SLC4A11: variants seen among roughly 807,000 people sequenced by gnomAD.
SLC4A11 encodes solute carrier family 4 member 11, also known as bicarbonate transporter related protein 1.
A neutral mutation model predicts 95.0 loss-of-function variants in SLC4A11; 74 were observed. The observed-to-expected ratio is 0.78, with a 90% CI of 0.65 to 0.95. The LOEUF (loss-of-function observed/expected upper bound fraction) is 0.95. Ranked by LOEUF, SLC4A11 falls within the 40% of genes least tolerant of loss-of-function variation. The probability of loss-of-function intolerance (pLI) is 0.00; values close to 1 mark genes in which losing one functional copy is unlikely to be tolerated. For synonymous variants in SLC4A11, 548 were observed against 519.0 expected (o/e 1.06, Z -0.76); for missense variants, 1,081 against 1,192.4 (o/e 0.91, Z 1.38).
rs781070184 is a variant in SLC4A11, at chr20:3,234,065, C to T, written c.523+18G>A. 1.2e-6 allele frequency: 2 copies of T among 1,613,690 alleles called. No homozygotes were observed. The highest frequency in any genetic ancestry group is 1.7e-6 in the Non-Finnish European group (2 of 1,179,970). ...GCCCCTCCCAACGCCCCCGCCCGGG[C>T]CGGGAGACCGGCCTCACCTTTACCC... is the stretch of plus-strand genomic sequence containing the variant. On this transcript the variant is annotated intron_variant, in intron 5 of 19. Transcript: ENST00000642402. This position sits in a 1 kb window ranked among gnomAD's most constrained non-coding sequence, Gnocchi z 5.8.
rs2067908359 is a variant in SLC4A11 at position 3,234,645 on chromosome 20, G to C, written c.242-28C>G. The stretch of plus-strand genomic sequence containing the variant: ...GCCGGAGAAAAGCGGGGAGGGCTCA[G>C]GGTGCCACCCTCTCCTCAGGTCTTT... On this transcript the variant is annotated intron_variant, in intron 3 of 19. Coordinates refer to ENST00000642402, the MANE Select transcript of SLC4A11 (RefSeq NM_001174089.2). The surrounding 1 kb of genome is among the most constrained non-coding windows in gnomAD (Gnocchi z 5.8). The C allele has an allele frequency of 6.2e-7, 1 of 1,613,878 alleles. No individual in the cohort carries two copies. Among genetic ancestry groups the C allele is most frequent in the East Asian group, 2.2e-5 (1 of 44,876 alleles).
chr20:3,238,404 G>A, intron 1 of SLC4A11: 1 of 1,069,750 alleles, frequency 9.3e-7, no homozygotes, highest in Non-Finnish European at 1.1e-6. Context: ...CGCGGGGCGG[G>A]AGCCGGGGCT....
intron 2 of SLC4A11, 33 bp downstream of exon 2, chr20:3,237,511 T>A: frequency 6.2e-7 from 1 of 1,610,728 alleles, no homozygotes; most frequent in Non-Finnish European, 8.5e-7. Context: ...ACAAGCTCTC[T>A]CTGCACACAC....
chr20:3,228,695 C>T lies in SLC4A11; in HGVS notation c.2205G>A (p.Val735=). Residue 735 remains valine, a synonymous_variant, in exon 18 of 20, where the codon GTG becomes GTA. Coordinates refer to ENST00000642402, the MANE Select transcript of SLC4A11 (RefSeq NM_001174089.2). ...NGHIYDTIVN[V]KETRLTSLGA... ...CCAGCGAGGTCAGCCGCGTCTCCTT[C>T]ACGTTCACAATCCTGCGGTGGCCCG... 4 of 1,612,976 alleles carry T rather than the reference C, an allele frequency of 2.5e-6. No individual in the cohort carries two copies. The highest frequency in any genetic ancestry group is 3.4e-6 in the Non-Finnish European group (4 of 1,179,908).
chr20:3,233,640 G>C lies in SLC4A11; in HGVS notation c.606-3C>G. 1 of 1,611,986 alleles carries C rather than the reference G, an allele frequency of 6.2e-7. No homozygotes were observed. The highest frequency in any genetic ancestry group is 8.5e-7 in the Non-Finnish European group (1 of 1,180,000). ...TCTGTAGGGCCTTCATGGTACAGCT[G>C]GCAGGGGCGGGGAGGACACAGTGCA... On this transcript the variant is annotated splice_polypyrimidine_tract_variant and splice_region_variant and intron_variant, in intron 6 of 19. Transcript: ENST00000642402.
intron 6 of SLC4A11, 26 bp downstream of exon 6, chr20:3,233,895 G>A: frequency 6.2e-7 from 1 of 1,610,564 alleles, no homozygotes; most frequent in Non-Finnish European, 8.5e-7. Flanking sequence ...CGACAAGAAG[G>A]GGGGCCAAGT....
In SLC4A11 at chr20:3,234,976, GA is replaced by G. The variant is rs1321001383; in HGVS notation, c.89-83del. On this transcript the variant is annotated intron_variant, in intron 2 of 19. Coordinates refer to ENST00000642402, the MANE Select transcript of SLC4A11 (RefSeq NM_001174089.2). The surrounding 1 kb of genome is among the most constrained non-coding windows in gnomAD (Gnocchi z 5.8). ...AGGGGCTCCAAGCCCAGGGAGCAGG[GA>G]CCCCTGGACTGTCCCACTCTCGGGC... 1.8e-5 allele frequency: 28 copies of G among 1,564,882 alleles called. No homozygotes were observed. Among genetic ancestry groups the G allele is most frequent in the Non-Finnish European group, 2.2e-5 (25 of 1,139,504 alleles).
chr20:3,227,683 G>T lies in SLC4A11; in HGVS notation c.*104C>A. The T allele has an allele frequency of 8.0e-7, 1 of 1,257,786 alleles. No individual in the cohort carries two copies. Among genetic ancestry groups the T allele is most frequent in the Non-Finnish European group, 1.1e-6 (1 of 883,696 alleles). The allele number at this position is 1,257,786 out of a possible 1,614,324, so 77.9% of individuals were successfully genotyped here. Reference sequence around the variant, plus strand: ...CCTGAGTCAGCCATGAGAAGGCGCAGCACAGAGCAGTCACCCACACACCTA... The same window carrying T: ...CCTGAGTCAGCCATGAGAAGGCGCATCACAGAGCAGTCACCCACACACCTA... On this transcript the variant is annotated 3_prime_UTR_variant, in exon 20 of 20. Coordinates refer to ENST00000642402, the MANE Select transcript of SLC4A11 (RefSeq NM_001174089.2).
At chr20:3,238,922 C>A in intron 1 of SLC4A11, 173 bp downstream of exon 1, 1 of 1,259,386 alleles carries the variant, frequency 7.9e-7, no homozygotes, top group Non-Finnish European at 1.0e-6. Flanking sequence ...CGCGCCCGGG[C>A]CTCCCGCACC....
chr20:3,237,965 C>G, intron 1 of SLC4A11: 4 of 1,550,418 alleles, frequency 2.6e-6, no homozygotes, highest in Non-Finnish European at 2.6e-6. Flanking sequence ...CGGGCCCGAG[C>G]GGGCCTCTCC....
intron 1 of SLC4A11, 153 bp from the exon 2 acceptor site, chr20:3,237,741 A>G: frequency 6.2e-7 from 1 of 1,613,612 alleles, no homozygotes; most frequent in Non-Finnish European, 8.5e-7. Flanking sequence ...AGCAGGGGAC[A>G]GTGCTCGGGA....
Position 3,229,192 on chromosome 20 carries a change from C to T in SLC4A11, c.1921G>A (p.Ala641Thr). 6.2e-7 allele frequency: 1 copy of T among 1,612,618 alleles called. No individual in the cohort carries two copies. The highest frequency in any genetic ancestry group is 8.5e-7 in the Non-Finnish European group (1 of 1,180,000). Residue 641 changes from alanine to threonine, a missense_variant, in exon 16 of 20, where the codon GCC becomes ACC. Coordinates refer to ENST00000642402, the MANE Select transcript of SLC4A11 (RefSeq NM_001174089.2). ...CCGAGGCCCATGGCACCGCTGACGG[C>T]CCTCAGGGACAGCGACTGGATCTGC... Reference protein sequence around the residue: ...MAQIQSLSLRAVSGAMGLGFL... With the variant: ...MAQIQSLSLRTVSGAMGLGFL...
In SLC4A11 at chr20:3,234,538, C is replaced by T; in HGVS notation, c.291+30G>A. On this transcript the variant is annotated intron_variant, in intron 4 of 19. Coordinates refer to ENST00000642402, the MANE Select transcript of SLC4A11 (RefSeq NM_001174089.2). This position sits in a 1 kb window ranked among gnomAD's most constrained non-coding sequence, Gnocchi z 5.8. ...TCACCTCAGCCCCCAGGTAGAGGCC[C>T]CAGGACCACCTGCAGGACAGGCCAT... The T allele has an allele frequency of 6.2e-7, 1 of 1,613,538 alleles. No homozygotes were observed. Among genetic ancestry groups the T allele is most frequent in the Non-Finnish European group, 8.5e-7 (1 of 1,179,938 alleles).
At chr20:3,238,516 C>T (rs2068061754) in intron 1 of SLC4A11, 5 of 991,754 alleles carry the variant, frequency 5.0e-6, no homozygotes, top group Non-Finnish European at 6.0e-6. Context: ...TCCGTCCCGG[C>T]GGCCCACGTG....
upstream of SLC4A11, chr20:3,239,287 C>T (rs1192080426): frequency 1.5e-5 from 18 of 1,184,800 alleles, no homozygotes; most frequent in Non-Finnish European, 1.8e-5. Flanking sequence ...GACGCCGCGC[C>T]CGGGCGCGGT....
intron 12 of SLC4A11, 88 bp downstream of exon 12, chr20:3,230,427 G>C (rs1170341349): frequency 1.2e-6 from 2 of 1,603,766 alleles, no homozygotes; most frequent in Non-Finnish European, 1.7e-6. Context: ...CAATATGGTG[G>C]GGGCACCCCC....
rs770579844 is a variant in SLC4A11, at chr20:3,230,937, G to A, written c.1164C>T (p.Ala388=). The A allele has an allele frequency of 1.3e-6, 2 of 1,582,140 alleles. No homozygotes were observed. The highest frequency in any genetic ancestry group is 2.2e-5 in the South Asian group (2 of 90,404). Residue 388 remains alanine (A), a synonymous_variant, in exon 10 of 20, where the codon GCC becomes GCT. Coordinates refer to ENST00000642402, the MANE Select transcript of SLC4A11 (RefSeq NM_001174089.2). ...GSLNDENTDG[A]IDVQKTIAGQ... Reference sequence around the variant, plus strand: ...CGCCCACCGCCAGCCCCTCACCGATGGCCCCGTCTGTGTTCTCGTCATTGA... The same window carrying A: ...CGCCCACCGCCAGCCCCTCACCGATAGCCCCGTCTGTGTTCTCGTCATTGA...
At chr20:3,237,816 AG>A in intron 1 of SLC4A11, 7 of 1,576,906 alleles carry the variant, frequency 4.4e-6, no homozygotes, top group Non-Finnish European at 6.0e-6. Flanking sequence ...CCCATCTGCT[AG>A]GGGCTGCCCA....
intron 19 of SLC4A11, 61 bp from the exon 20 acceptor site, chr20:3,227,917 T>G: frequency 2.0e-6 from 3 of 1,488,448 alleles, no homozygotes; most frequent in Non-Finnish European, 2.7e-6. Context: ...TGGACACCCA[T>G]CCCAGCCCAC....
Sources: gnomAD v4.1 joint callset for allele counts on GRCh38, gnomAD v4.1.1 for gene constraint, Gnocchi (gnomAD v3.1) non-coding constraint, MANE v1.5 for transcripts, NCBI Gene and HGNC (gene_info 2026-07-23, HGNC 2026-07-21) for gene names.